Variants in ADAMTSL3 observed in about 807,000 individuals in gnomAD.
ADAMTSL3 encodes the protein ADAMTS like 3.
ADAMTSL3 carries 128 observed loss-of-function variants against 201.7 expected under a neutral mutation model. The observed-to-expected ratio is 0.63, with a 90% confidence interval of 0.55 to 0.73. The LOEUF (loss-of-function observed/expected upper bound fraction) is 0.73, where lower values mean the gene tolerates loss of function less well. ADAMTSL3 is among the 30% of genes least tolerant of loss of function. The probability of loss-of-function intolerance (pLI) is 0.00; values close to 1 mark genes in which losing one functional copy is unlikely to be tolerated. For missense variants in ADAMTSL3, 1,990 were observed against 2,119.6 expected (o/e 0.94, Z 1.20); for synonymous variants, 738 against 748.4 (o/e 0.99, Z 0.23).
rs753049285 is a variant in ADAMTSL3 at position 84,014,717 on chromosome 15, C to T, written c.4149C>T (p.His1383=). ...LGKAVATSVL[H]LLERRWPESR... ...AGGCAGTGGCAACATCTGTACTCCACTTGCTGGGTAAGTGTCAAATTCTTA... is the reference window on the plus strand; with the variant it reads ...AGGCAGTGGCAACATCTGTACTCCATTTGCTGGGTAAGTGTCAAATTCTTA... Residue 1383 remains histidine (H), a synonymous_variant, in exon 24 of 30, where the codon CAC becomes CAT. Transcript: ENST00000286744. The T allele has an allele frequency of 6.2e-7, 1 of 1,610,112 alleles. No individual in the cohort carries two copies. Among genetic ancestry groups the T allele is most frequent in the Non-Finnish European group, 8.5e-7 (1 of 1,178,748 alleles).
At chr15:83,973,502 C>A (rs558506007) in intron 20 of ADAMTSL3, among the ~76,000 whole-genome samples, 2 of 152,094 alleles carry the variant, frequency 1.3e-5, no homozygotes. Context: ...CCTGAGCCAC[C>A]AGGATTTCCT....
chr15:83,968,836 A>G (rs772155781), intron 19 of ADAMTSL3, among the ~76,000 whole-genome samples: 5 of 152,248 alleles, frequency 3.3e-5, no homozygotes, highest in African/African-American at 7.2e-5. Flanking sequence ...AAAAAGGATG[A>G]GTTCATGTCC....
At position 83,873,748 on chromosome 15, in the gene ADAMTSL3, G is replaced by A. The variant is rs1314233854; in HGVS notation, c.960+2789G>A. ...AATACACTTTTGCAAATGTTAATGT[G>A]CATTTCTCTTTTGCCATTCTCTGTA... On this transcript the variant is annotated intron_variant, in intron 9 of 29. Coordinates refer to ENST00000286744, the MANE Select transcript of ADAMTSL3 (RefSeq NM_207517.3). 3.4e-5 allele frequency among the ~76,000 whole-genome samples: 5 copies of A among 145,574 alleles called. 1 individual carries two copies. Among genetic ancestry groups the A allele is most frequent in the Non-Finnish European group, 4.5e-5 (3 of 66,784 alleles).
At chr15:83,837,019 TAA>T (rs1450914320) in intron 6 of ADAMTSL3, among the ~76,000 whole-genome samples, 1 of 152,050 alleles carries the variant, frequency 6.6e-6, no homozygotes, top group South Asian at 2.1e-4. Context: ...AAAAGAAATA[TAA>T]GACATGACCT....
chr15:83,812,662 C>G (rs74024570), intron 5 of ADAMTSL3, among the ~76,000 whole-genome samples: 1 of 152,268 alleles, frequency 6.6e-6, no homozygotes, highest in African/African-American at 2.4e-5. Context: ...CCAGAGATTG[C>G]TAAAAGTTCT....
intron 6 of ADAMTSL3, among the ~76,000 whole-genome samples, chr15:83,820,761 C>T (rs1174148418): frequency 3.3e-5 from 5 of 152,254 alleles, no homozygotes; most frequent in Non-Finnish European, 7.4e-5. Context: ...ACCCCAGTGG[C>T]TTTTAATGAG....
chr15:83,832,018 A>C (rs936988677), intron 6 of ADAMTSL3, among the ~76,000 whole-genome samples: 8 of 152,198 alleles, frequency 5.3e-5, no homozygotes, highest in Non-Finnish European at 5.9e-5. Context: ...CAAAGGAGAC[A>C]GATTGCTCGT....
intron 17 of ADAMTSL3, 119 bp downstream of exon 17, chr15:83,924,152 C>G: frequency 7.7e-7 from 1 of 1,293,094 alleles, no homozygotes; most frequent in Middle Eastern, 2.0e-4. Flanking sequence ...GCTAAGCCTG[C>G]TTCAGAGCTC....
chr15:83,935,433 T>G (rs1426638630), intron 17 of ADAMTSL3, among the ~76,000 whole-genome samples: 1 of 151,914 alleles, frequency 6.6e-6, no homozygotes, highest in Non-Finnish European at 1.5e-5. Flanking sequence ...TAAAAAGGAC[T>G]TCATGATTCT....
At chr15:83,916,190 A>C (rs908081356) in intron 16 of ADAMTSL3, among the ~76,000 whole-genome samples, 1 of 152,188 alleles carries the variant, frequency 6.6e-6, no homozygotes. Flanking sequence ...TAAGGTGCCC[A>C]TTTGCTTTAT....
intron 3 of ADAMTSL3, among the ~76,000 whole-genome samples, chr15:83,766,774 A>G (rs932853017): frequency 2.6e-5 from 4 of 152,242 alleles, no homozygotes; most frequent in Non-Finnish European, 5.9e-5. Context: ...TTGTAAAATT[A>G]TACACGTTCA....
Position 83,913,171 on chromosome 15 carries a change from C to T in ADAMTSL3, c.1780C>T (p.Leu594Phe), listed in dbSNP as rs775578645. 2.5e-6 allele frequency: 4 copies of T among 1,614,158 alleles called. No individual in the cohort carries two copies. The highest frequency in any genetic ancestry group is 4.5e-5 in the East Asian group (2 of 44,882). ...GGTCCGTGAGGTGAAGTGCCGTGTGCTCCTCACATTCACGCAGACTGAGAC... is the reference window on the plus strand; with the variant it reads ...GGTCCGTGAGGTGAAGTGCCGTGTGTTCCTCACATTCACGCAGACTGAGAC... ...VQVREVKCRVLLTFTQTETEL... is the reference protein window; with the variant it reads ...VQVREVKCRVFLTFTQTETEL... Residue 594 changes from leucine to phenylalanine, a missense_variant, in exon 16 of 30, where the codon CTC becomes TTC. Leu to Phe is a conservative substitution (Grantham distance 22, BLOSUM62 0). Coordinates refer to ENST00000286744, the MANE Select transcript of ADAMTSL3 (RefSeq NM_207517.3).
Position 84,037,703 on chromosome 15 carries a change from A to T in ADAMTSL3, c.4973A>T (p.Asp1658Val). The part of the protein sequence containing the change: ...RHCLGPSCDR[D>V]CTDTTHYCMF... ...GATATTTGTTTCTTTTTTGCAGGAGACTGCACAGACACAACTCACTACTGT... is the reference window on the plus strand; with the variant it reads ...GATATTTGTTTCTTTTTTGCAGGAGTCTGCACAGACACAACTCACTACTGT... The change falls in exon 30 of 30, where the codon GAC becomes GTC. Residue 1658 changes from aspartate (D) to valine (V), a missense_variant. Transcript: ENST00000286744. 6.3e-7 allele frequency: 1 copy of T among 1,596,882 alleles called. No individual in the cohort carries two copies. Among genetic ancestry groups the T allele is most frequent in the Non-Finnish European group, 8.5e-7 (1 of 1,175,142 alleles).
intron 2 of ADAMTSL3, among the ~76,000 whole-genome samples, chr15:83,676,837 G>A (rs1393465869): frequency 6.6e-6 from 1 of 152,216 alleles, no homozygotes; most frequent in Non-Finnish European, 1.5e-5. Context: ...TGAAAACACA[G>A]TGAGAAGACA....
chr15:83,658,604 T>A lies in ADAMTSL3; in HGVS notation c.69+2774T>A, dbSNP rs140631703. 9.4e-3 allele frequency among the ~76,000 whole-genome samples: 1,432 copies of A among 152,326 alleles called. 23 individuals carry two copies. Among genetic ancestry groups the A allele is most frequent in the African/African-American group, 0.033 (1,363 of 41,576 alleles). On this transcript the variant is annotated intron_variant, in intron 2 of 29. Coordinates refer to ENST00000286744, the MANE Select transcript of ADAMTSL3 (RefSeq NM_207517.3). ...TGGAGCGGCCTCCCCTCTTCCTGTC[T>A]CACAGGCCCTGGAAGCTTCCTGTTG... is the stretch of plus-strand genomic sequence containing the variant.
chr15:83,950,104 C>T (rs546246694), intron 19 of ADAMTSL3, among the ~76,000 whole-genome samples: 2 of 152,022 alleles, frequency 1.3e-5, no homozygotes, highest in African/African-American at 2.4e-5. Flanking sequence ...TGAAAAGTTT[C>T]CCCAACGTTT....
At chr15:83,700,990 G>A (rs372320387) in intron 2 of ADAMTSL3, among the ~76,000 whole-genome samples, 20 of 152,172 alleles carry the variant, frequency 1.3e-4, no homozygotes, top group Non-Finnish European at 2.5e-4. Flanking sequence ...TCAGAGGGAC[G>A]TTTTAGCGTA....
intron 2 of ADAMTSL3, among the ~76,000 whole-genome samples, chr15:83,670,290 A>C (rs1303405637): frequency 6.6e-6 from 1 of 151,286 alleles, no homozygotes; most frequent in Non-Finnish European, 1.5e-5. Flanking sequence ...AAAAGAACAG[A>C]AAAAGAAAGA....
intron 3 of ADAMTSL3, among the ~76,000 whole-genome samples, chr15:83,744,744 C>T (rs2062515824): frequency 6.6e-6 from 1 of 152,220 alleles, no homozygotes; most frequent in African/African-American, 2.4e-5. Flanking sequence ...AATCTCCCTA[C>T]TACCCTCCCC....
Sources: gnomAD v4.1 joint callset for allele counts (sites outside exome capture counted in the v4.1 genomes callset) on GRCh38, gnomAD v4.1.1 for gene constraint, MANE v1.5 for transcripts, NCBI Gene and HGNC (gene_info 2026-07-23, HGNC 2026-07-21) for gene names.